GULP1: variants seen among roughly 807,000 people sequenced by gnomAD.
GULP1 encodes the protein GULP PTB domain containing engulfment adaptor 1, also known as PTB domain-containing engulfment adapter protein 1.
Under a neutral mutation model 40.9 loss-of-function variants are expected in GULP1, and 19 were observed. The observed-to-expected ratio is 0.46, with a 90% CI of 0.32 to 0.68. GULP1 has a LOEUF of 0.68. GULP1 is among the 30% of genes least tolerant of loss of function. The pLI is 0.03. For synonymous variants in GULP1, 119 were observed against 117.6 expected (o/e 1.01, Z -0.08); for missense variants, 312 against 362.2 (o/e 0.86, Z 1.12).
At chr2:188,307,321 C>T (rs1347821823) in intron 1 of GULP1, among the ~76,000 whole-genome samples, 2 of 151,910 alleles carry the variant, frequency 1.3e-5, no homozygotes, top group Non-Finnish European at 2.9e-5. Flanking sequence ...AATTAGGATA[C>T]AAAATTAATT....
intron 1 of GULP1, among the ~76,000 whole-genome samples, chr2:188,370,256 A>G (rs2047427204): frequency 1.3e-5 from 2 of 152,184 alleles, no homozygotes; most frequent in African/African-American, 4.8e-5. Flanking sequence ...CATGGCAGGC[A>G]TTTTGAGAGC....
intron 1 of GULP1, among the ~76,000 whole-genome samples, chr2:188,317,735 T>A (rs555754293): frequency 6.6e-6 from 1 of 152,074 alleles, no homozygotes; most frequent in Non-Finnish European, 1.5e-5. Flanking sequence ...TAATCATGAC[T>A]ATATAACTTA....
At chr2:188,548,276 G>A (rs1692503172) in intron 7 of GULP1, among the ~76,000 whole-genome samples, 1 of 152,046 alleles carries the variant, frequency 6.6e-6, no homozygotes. Context: ...TAGCCAGGTG[G>A]CAGAATACAT....
chr2:188,549,217 T>C (rs1158763759), intron 7 of GULP1, among the ~76,000 whole-genome samples: 1 of 151,852 alleles, frequency 6.6e-6, no homozygotes, highest in Non-Finnish European at 1.5e-5. Context: ...ATGCTCCTTA[T>C]CAAATTAGGG....
chr2:188,352,165 A>G (rs2044538970), intron 1 of GULP1, among the ~76,000 whole-genome samples: 1 of 152,116 alleles, frequency 6.6e-6, no homozygotes, highest in African/African-American at 2.4e-5. Context: ...CATTTGGTCA[A>G]ATGTTATTCT....
chr2:188,521,412 A>T (rs991767064), intron 4 of GULP1, among the ~76,000 whole-genome samples: 1 of 152,162 alleles, frequency 6.6e-6, no homozygotes, highest in Non-Finnish European at 1.5e-5. Context: ...CATACTGCTA[A>T]TAAAGACATA....
At chr2:188,468,141 ATTTCT>A (rs910398252) in intron 2 of GULP1, among the ~76,000 whole-genome samples, 13 of 152,192 alleles carry the variant, frequency 8.5e-5, no homozygotes, top group African/African-American at 2.2e-4. Context: ...ATTTTAACAG[ATTTCT>A]TTTGTTTAGT....
At chr2:188,468,184 G>T (rs1422109055) in intron 2 of GULP1, among the ~76,000 whole-genome samples, 3 of 152,008 alleles carry the variant, frequency 2.0e-5, no homozygotes, top group African/African-American at 7.2e-5. Context: ...AATGATCTTT[G>T]ATGTCATTAT....
chr2:188,556,275 GA>G (rs1406974097), intron 7 of GULP1, among the ~76,000 whole-genome samples: 2 of 151,922 alleles, frequency 1.3e-5, no homozygotes, highest in African/African-American at 4.8e-5. Flanking sequence ...TATTTCAAAA[GA>G]TCTGTCTTTA....
chr2:188,356,971 T>C (rs2045410509), intron 1 of GULP1, among the ~76,000 whole-genome samples: 2 of 152,114 alleles, frequency 1.3e-5, no homozygotes, highest in African/African-American at 4.8e-5. Context: ...TGACAGTCTC[T>C]TCAATAAATC....
intron 2 of GULP1, among the ~76,000 whole-genome samples, chr2:188,431,097 C>T (rs1456369461): frequency 6.6e-6 from 1 of 152,194 alleles, no homozygotes; most frequent in East Asian, 1.9e-4. Flanking sequence ...TGCATACCTT[C>T]CCTTCAACCA....
intron 2 of GULP1, among the ~76,000 whole-genome samples, chr2:188,453,546 A>G (rs774910565): frequency 1.3e-5 from 2 of 152,318 alleles, no homozygotes; most frequent in South Asian, 4.1e-4. Context: ...CAGCATAAAC[A>G]TTTATCACAA....
At chr2:188,315,642 C>T (rs2038951358) in intron 1 of GULP1, among the ~76,000 whole-genome samples, 3 of 152,214 alleles carry the variant, frequency 2.0e-5, no homozygotes, top group Middle Eastern at 3.4e-3. Context: ...TCAGGAGACA[C>T]GTTCCAAGAT....
chr2:188,545,694 GAAAAAGATTAAATA>G (rs1691745667), intron 7 of GULP1, among the ~76,000 whole-genome samples: 4 of 151,710 alleles, frequency 2.6e-5, no homozygotes, highest in African/African-American at 9.7e-5. Context: ...TAACAGAAAA[GAAAAAGATTAAATA>G]ATGTACTTAA....
chr2:188,368,939 G>GTATACATA (rs2047199561), intron 1 of GULP1, among the ~76,000 whole-genome samples: 3 of 86,086 alleles, frequency 3.5e-5, no homozygotes, highest in African/African-American at 1.2e-4. Context: ...ATATATGTGT[G>GTATACATA]TATATATATA....
chr2:188,496,912 C>G (rs2062952762), intron 4 of GULP1, among the ~76,000 whole-genome samples: 1 of 151,938 alleles, frequency 6.6e-6, no homozygotes, highest in South Asian at 2.1e-4. Context: ...CTTCCCCCTG[C>G]TCTGGCCATG....
intron 7 of GULP1, among the ~76,000 whole-genome samples, chr2:188,562,947 GAA>G (rs1321157936): frequency 6.6e-6 from 1 of 151,758 alleles, no homozygotes; most frequent in Non-Finnish European, 1.5e-5. Flanking sequence ...ATAGCTAAAA[GAA>G]AAGTTACAGG....
In GULP1 at chr2:188,368,468, C is replaced by A. The variant is rs2047101582; in HGVS notation, c.-171-15295C>A. On this transcript the variant is annotated intron_variant, in intron 1 of 11. Transcript: ENST00000409830. ...TGGTGGCATGCGCCTGTAGTCCCAGCTACTTGGGAGGCTGAGACAGGAGAA... is the reference window on the plus strand; with the variant it reads ...TGGTGGCATGCGCCTGTAGTCCCAGATACTTGGGAGGCTGAGACAGGAGAA... 3.9e-5 allele frequency among the ~76,000 whole-genome samples: 6 copies of A among 152,158 alleles called. No homozygotes were observed. In the South Asian group the frequency reaches 1.2e-3, roughly 32 times the overall value.
At chr2:188,326,546 C>T (rs1156789127) in intron 1 of GULP1, among the ~76,000 whole-genome samples, 2 of 152,106 alleles carry the variant, frequency 1.3e-5, no homozygotes, top group Admixed American at 1.3e-4. Context: ...TGTTGTGACT[C>T]TTATCAGTGC....
Sources: gnomAD v4.1 joint callset for allele counts (sites outside exome capture counted in the v4.1 genomes callset) on GRCh38, gnomAD v4.1.1 for gene constraint, MANE v1.5 for transcripts, NCBI Gene and HGNC (gene_info 2026-07-23, HGNC 2026-07-21) for gene names.